Variants in SCRG1 observed in about 807,000 individuals in gnomAD.
SCRG1 encodes the protein stimulator of chondrogenesis 1.
Under a neutral mutation model 7.7 loss-of-function variants are expected in SCRG1, and 3 were observed. The observed-to-expected ratio is 0.39, with a 90% CI of 0.18 to 1.01. The LOEUF is 1.01. Among genes scored for constraint, SCRG1 ranks in the 50% least tolerant of loss-of-function variants. SCRG1 has a pLI of 0.36. For missense variants in SCRG1, 110 were observed against 117.2 expected (o/e 0.94, Z 0.28); for synonymous variants, 46 against 41.2 (o/e 1.12, Z -0.44).
chr4:173,475,454 G>A, the SCRG1 span, among the ~76,000 whole-genome samples: 2 of 152,198 alleles, frequency 1.3e-5, no homozygotes, highest in Non-Finnish European at 2.9e-5. Context: ...TTACTGGAAG[G>A]CAAAGATATA....
chr4:173,446,401 A>C, the SCRG1 span, among the ~76,000 whole-genome samples: 1 of 150,610 alleles, frequency 6.6e-6, no homozygotes, highest in African/African-American at 2.4e-5. Flanking sequence ...TCATGCACTC[A>C]CGGGGGGAAA....
chr4:173,512,591 G>A, the SCRG1 span, among the ~76,000 whole-genome samples: 1 of 152,202 alleles, frequency 6.6e-6, no homozygotes, highest in Non-Finnish European at 1.5e-5. Flanking sequence ...GGGAGCATGG[G>A]TTTGATTCAA....
chr4:173,413,500 G>A, the SCRG1 span, among the ~76,000 whole-genome samples: 3 of 152,130 alleles, frequency 2.0e-5, no homozygotes, highest in African/African-American at 7.2e-5. Context: ...CCCAGAACTC[G>A]AAAACCATTC....
At chr4:173,448,369 C>T in the SCRG1 span, among the ~76,000 whole-genome samples, 1 of 152,178 alleles carries the variant, frequency 6.6e-6, no homozygotes, top group Non-Finnish European at 1.5e-5. Flanking sequence ...GTGCTCCAAC[C>T]CTATGACATG....
the SCRG1 span, among the ~76,000 whole-genome samples, chr4:173,475,529 T>A: frequency 2.6e-5 from 4 of 152,026 alleles, no homozygotes; most frequent in African/African-American, 9.7e-5. Flanking sequence ...TGAAAAAGAG[T>A]TTAGCAATTA....
the SCRG1 span, among the ~76,000 whole-genome samples, chr4:173,487,946 A>AAAAAATT: frequency 6.6e-6 from 1 of 151,904 alleles, no homozygotes; most frequent in Admixed American, 6.6e-5. Context: ...TACTAAAATG[A>AAAAAATT]AAAAATTAGC....
At chr4:173,459,493 A>T in the SCRG1 span, among the ~76,000 whole-genome samples, 1 of 152,362 alleles carries the variant, frequency 6.6e-6, no homozygotes, top group East Asian at 1.9e-4. Flanking sequence ...AAAACTTAAC[A>T]ACATGCTCCT....
the SCRG1 span, among the ~76,000 whole-genome samples, chr4:173,505,349 G>A: frequency 6.6e-6 from 1 of 152,194 alleles, no homozygotes; most frequent in Non-Finnish European, 1.5e-5. This position sits in a 1 kb window ranked among gnomAD's most constrained non-coding sequence, Gnocchi z 4.4. Context: ...AGGCAGGGAT[G>A]TGGGGTTCCT....
the SCRG1 span, among the ~76,000 whole-genome samples, chr4:173,478,720 G>A: frequency 6.6e-6 from 1 of 152,212 alleles, no homozygotes; most frequent in Admixed American, 6.5e-5. Flanking sequence ...AAGTGGGTGC[G>A]AGCCATGTTG....
the SCRG1 span, among the ~76,000 whole-genome samples, chr4:173,515,950 C>T: frequency 2.4e-3 from 368 of 152,260 alleles, 4 homozygotes; most frequent in African/African-American, 8.4e-3. The surrounding 1 kb of genome is among the most constrained non-coding windows in gnomAD (Gnocchi z 4.6). Context: ...TGTTTGGCGA[C>T]TTTCATTTCT....
rs564329936 is a variant in SCRG1 at position 173,387,993 on chromosome 4, T to C, written c.*348A>G. 11 of 184,852 alleles carry C rather than the reference T, an allele frequency of 6.0e-5. No individual in the cohort carries two copies. The East Asian group carries it at 1.5e-3, about 24-fold the overall frequency. 11.5% of individuals were successfully genotyped at this position (184,852 alleles called of 1,614,324 possible). On this transcript the variant is annotated 3_prime_UTR_variant, in exon 3 of 3. Coordinates refer to ENST00000296506, the MANE Select transcript of SCRG1 (RefSeq NM_007281.4). ...GCTTATACCTGGTTCTTTCAATATG[T>C]GGTTAATAACTGTCAACTAAGGACT...
chr4:173,420,374 T>C, the SCRG1 span, among the ~76,000 whole-genome samples: 1 of 152,240 alleles, frequency 6.6e-6, no homozygotes, highest in Non-Finnish European at 1.5e-5. Context: ...GTGTTTTGTT[T>C]ACTGCAATCT....
the SCRG1 span, among the ~76,000 whole-genome samples, chr4:173,483,964 A>G: frequency 3.3e-5 from 3 of 90,400 alleles, no homozygotes; most frequent in Non-Finnish European, 5.7e-5. Flanking sequence ...TATATTATAT[A>G]TTTTATATAA....
At chr4:173,480,405 A>C in the SCRG1 span, among the ~76,000 whole-genome samples, 1 of 152,066 alleles carries the variant, frequency 6.6e-6, no homozygotes, top group Non-Finnish European at 1.5e-5. Flanking sequence ...AAAAAAGTCA[A>C]TAGCATGAGA....
At chr4:173,515,255 G>GC in the SCRG1 span, among the ~76,000 whole-genome samples, 2 of 152,030 alleles carry the variant, frequency 1.3e-5, no homozygotes, top group South Asian at 2.1e-4. This position sits in a 1 kb window ranked among gnomAD's most constrained non-coding sequence, Gnocchi z 4.6. Context: ...ATTACCCCCT[G>GC]CCCCCCGCCA....
At chr4:173,451,639 TTTATTTATTTA>T in the SCRG1 span, among the ~76,000 whole-genome samples, 41 of 57,602 alleles carry the variant, frequency 7.1e-4, no homozygotes, top group Admixed American at 2.6e-3. Context: ...ACTTATTTTA[TTTATTTATTTA>T]TTTATTTATT....
the SCRG1 span, among the ~76,000 whole-genome samples, chr4:173,442,847 A>C: frequency 6.6e-6 from 1 of 152,018 alleles, no homozygotes; most frequent in East Asian, 1.9e-4. Flanking sequence ...GCATTAATCT[A>C]CTCATGAGGT....
the SCRG1 span, among the ~76,000 whole-genome samples, chr4:173,415,077 A>G: frequency 1.3e-5 from 2 of 152,330 alleles, no homozygotes; most frequent in East Asian, 3.9e-4. Flanking sequence ...AAGCGTTAAT[A>G]TTGCATGTTA....
chr4:173,487,486 G>A, the SCRG1 span, among the ~76,000 whole-genome samples: 1 of 152,136 alleles, frequency 6.6e-6, no homozygotes, highest in Non-Finnish European at 1.5e-5. Context: ...TAGCTTTTCT[G>A]AAATTCCAAA....
Sources: allele counts gnomAD v4.1 joint callset (sites outside exome capture counted in the v4.1 genomes callset), GRCh38; gene constraint gnomAD v4.1.1; non-coding constraint Gnocchi (gnomAD v3.1); transcripts MANE v1.5; gene names NCBI Gene and HGNC (gene_info 2026-07-23, HGNC 2026-07-21).